SPTBN1: variants seen among roughly 807,000 people sequenced by gnomAD.
The protein encoded by SPTBN1 is spectrin beta chain, non-erythrocytic 1.
In SPTBN1, 32 loss-of-function variants were observed where a neutral mutation model predicts 266.4. The ratio of observed to expected loss-of-function variants is 0.12; its 90% CI spans 0.09 to 0.16. The LOEUF (loss-of-function observed/expected upper bound fraction) is 0.16. Among genes scored for constraint, SPTBN1 ranks in the 10% least tolerant of loss-of-function variants. SPTBN1 has a pLI of 1.00. For missense variants in SPTBN1, 2,296 were observed against 3,067.1 expected (o/e 0.75, Z 5.94); for synonymous variants, 1,336 against 1,162.2 (o/e 1.15, Z -3.04).
intron 2 of SPTBN1, among the ~76,000 whole-genome samples, chr2:54,536,754 G>A (rs752973995): frequency 2.0e-5 from 3 of 152,260 alleles, no homozygotes; most frequent in Non-Finnish European, 4.4e-5. Flanking sequence ...AGGAGAGGCC[G>A]GGAGCTGTGG....
At chr2:54,579,053 A>G (rs1654899165) in intron 2 of SPTBN1, among the ~76,000 whole-genome samples, 1 of 152,046 alleles carries the variant, frequency 6.6e-6, no homozygotes, top group Admixed American at 6.5e-5. Flanking sequence ...TGCAAAAGTA[A>G]TTGTGGCTTT....
intron 1 of SPTBN1, among the ~76,000 whole-genome samples, chr2:54,475,896 T>C (rs771089200): frequency 6.6e-6 from 1 of 152,218 alleles, no homozygotes; most frequent in Non-Finnish European, 1.5e-5. Context: ...TACCAGAGTG[T>C]TTAGTTTTAA....
chr2:54,495,723 A>G (rs528459222), intron 1 of SPTBN1, among the ~76,000 whole-genome samples: 1 of 130,880 alleles, frequency 7.6e-6, no homozygotes, highest in South Asian at 2.5e-4. Flanking sequence ...TTATGTAGAC[A>G]TAAAATATCA....
Position 54,643,696 on chromosome 2 carries a change from T to C in SPTBN1, c.4005+567T>C, listed in dbSNP as rs572517100. Reference sequence around the variant, plus strand: ...TTCAGATTCTTCACGGTTAAAATAATGTGTTGGCAGGGCACGGTGGCTCAT... The same window carrying C: ...TTCAGATTCTTCACGGTTAAAATAACGTGTTGGCAGGGCACGGTGGCTCAT... On this transcript the variant is annotated intron_variant, in intron 19 of 35. Coordinates refer to ENST00000356805, the MANE Select transcript of SPTBN1 (RefSeq NM_003128.3). 1.1e-3 allele frequency among the ~76,000 whole-genome samples: 172 copies of C among 152,252 alleles called. 2 individuals are homozygous for C. The highest frequency in any genetic ancestry group is 3.9e-3 in the African/African-American group (162 of 41,528).
Position 54,643,128 on chromosome 2 carries a change from A to C in SPTBN1, c.4004A>C (p.Lys1335Thr), listed in dbSNP as rs1305190637. ...AAAGAATGGCTTGACAAAATCGAGAAGGTGAGTTAAAACATTTGATGTGGC... is the reference window on the plus strand; with the variant it reads ...AAAGAATGGCTTGACAAAATCGAGACGGTGAGTTAAAACATTTGATGTGGC... ...SNKEWLDKIE[K>T]EGMQLISEKP... The change falls in exon 19 of 36, where the codon AAG becomes ACG. Residue 1335 changes from lysine (K) to threonine (T), a missense_variant and splice_region_variant. Physicochemically the swap from Lys to Thr is moderately conservative, Grantham distance 78. Transcript: ENST00000356805. The C allele has an allele frequency of 6.2e-7, 1 of 1,614,022 alleles. No homozygotes were observed. Among genetic ancestry groups the C allele is most frequent in the Non-Finnish European group, 8.5e-7 (1 of 1,180,004 alleles).
At chr2:54,615,380 C>T (rs1677531337) in intron 4 of SPTBN1, among the ~76,000 whole-genome samples, 1 of 152,168 alleles carries the variant, frequency 6.6e-6, no homozygotes, top group Non-Finnish European at 1.5e-5. Context: ...ACTCCTGACT[C>T]CATTCCACAT....
chr2:54,508,479 G>A (rs948142755), intron 1 of SPTBN1, among the ~76,000 whole-genome samples: 1 of 152,202 alleles, frequency 6.6e-6, no homozygotes, highest in South Asian at 2.1e-4. Context: ...CTTGAGGATA[G>A]ATTTTTGCGA....
chr2:54,643,804 T>C (rs1679737779), intron 19 of SPTBN1, among the ~76,000 whole-genome samples: 1 of 152,040 alleles, frequency 6.6e-6, no homozygotes, highest in South Asian at 2.1e-4. Context: ...GCCAACATGG[T>C]GAAACCCCAT....
chr2:54,464,049 C>T (rs559538016), intron 1 of SPTBN1, among the ~76,000 whole-genome samples: 1 of 152,152 alleles, frequency 6.6e-6, no homozygotes, highest in Non-Finnish European at 1.5e-5. Flanking sequence ...ATGCTCTGGG[C>T]TGCTGTGAGA....
Position 54,621,497 on chromosome 2 carries a change from A to G in SPTBN1, c.861A>G (p.Gly287=). 2 of 1,614,052 alleles carry G rather than the reference A, an allele frequency of 1.2e-6. No homozygotes were observed. The highest frequency in any genetic ancestry group is 1.7e-6 in the Non-Finnish European group (2 of 1,179,930). The change falls in exon 8 of 36, where the codon GGA becomes GGG. Residue 287 remains glycine (G), a synonymous_variant. Transcript: ENST00000356805. Reference sequence around the variant, plus strand: ...AGATGAAGGCCTTAGCTGTTGAAGGAAAACGAATTGGAAAGGTGAGCTGGT... The same window carrying G: ...AGATGAAGGCCTTAGCTGTTGAAGGGAAACGAATTGGAAAGGTGAGCTGGT... The part of the protein sequence containing the change: ...FSKMKALAVE[G]KRIGKVLDNA...
intron 17 of SPTBN1, among the ~76,000 whole-genome samples, chr2:54,637,439 C>T (rs553168622): frequency 1.3e-5 from 2 of 152,052 alleles, no homozygotes; most frequent in African/African-American, 4.8e-5. Flanking sequence ...TTTCTTAACA[C>T]CAGATTAGGA....
At position 54,628,028 on chromosome 2, in the gene SPTBN1, G is replaced by A. The variant is rs1157428398; in HGVS notation, c.1645-69G>A. 39 of 1,524,044 alleles carry A rather than the reference G, an allele frequency of 2.6e-5. No homozygotes were observed. The highest frequency in any genetic ancestry group is 3.2e-5 in the Non-Finnish European group (36 of 1,130,946). The allele number at this position is 1,524,044 out of a possible 1,614,324, so 94.4% of individuals were successfully genotyped here. Reference sequence around the variant, plus strand: ...CTTCATTGCTGGCTCTCTGCTTGTCGAAAGATGATGTGATGCTGAAGTCAA... The same window carrying A: ...CTTCATTGCTGGCTCTCTGCTTGTCAAAAGATGATGTGATGCTGAAGTCAA... On this transcript the variant is annotated intron_variant, in intron 12 of 35. Coordinates refer to ENST00000356805, the MANE Select transcript of SPTBN1 (RefSeq NM_003128.3). The surrounding 1 kb of genome is among the most constrained non-coding windows in gnomAD (Gnocchi z 4.3).
chr2:54,642,536 T>TTTG (rs1558460712), intron 18 of SPTBN1, among the ~76,000 whole-genome samples: 1 of 151,544 alleles, frequency 6.6e-6, no homozygotes, highest in African/African-American at 2.4e-5. Flanking sequence ...GTAGTTTTTT[T>TTTG]TTTTTTTTTT....
In SPTBN1 at chr2:54,558,850, C is replaced by A; in HGVS notation, c.148+32284C>A. 3 of 1,614,010 alleles carry A rather than the reference C, an allele frequency of 1.9e-6. No homozygotes were observed. Among genetic ancestry groups the A allele is most frequent in the Non-Finnish European group, 2.5e-6 (3 of 1,179,916 alleles). On this transcript the variant is annotated intron_variant, in intron 2 of 35. Coordinates refer to ENST00000356805, the MANE Select transcript of SPTBN1 (RefSeq NM_003128.3). The surrounding 1 kb of genome is among the most constrained non-coding windows in gnomAD (Gnocchi z 4.6). ...CGTACACGGGGCAGGTGCCTTACAACTACAACCAGCTGGAAGGCAGATTCA... is the reference window on the plus strand; with the variant it reads ...CGTACACGGGGCAGGTGCCTTACAAATACAACCAGCTGGAAGGCAGATTCA...
rs1209132160 is a variant in SPTBN1 at position 54,576,074 on chromosome 2, A to ATTTTTTTTTTTTTTTTTTTTT, written c.149-23018_149-23017insTTTTTTTTTTTTTTTTTTTTT. Among the ~76,000 whole-genome samples, 322 of 93,822 alleles carry ATTTTTTTTTTTTTTTTTTTTT rather than the reference A, an allele frequency of 3.4e-3. 66 individuals carry two copies. The highest frequency in any genetic ancestry group is 7.1e-3 in the Middle Eastern group (1 of 140). 61.6% of individuals were successfully genotyped at this position (93,822 alleles called of 152,430 possible). On this transcript the variant is annotated intron_variant, in intron 2 of 35. Coordinates refer to ENST00000356805, the MANE Select transcript of SPTBN1 (RefSeq NM_003128.3). ...ATCCAGCTTTTTTTTTTTTTTTTTG[A>ATTTTTTTTTTTTTTTTTTTTT]GAGACAGTCTGGCTGTGTCTCCCAG... is the stretch of plus-strand genomic sequence containing the variant.
In SPTBN1 at chr2:54,546,996, A is replaced by G. The variant is rs1326850088; in HGVS notation, c.148+20430A>G. Among the ~76,000 whole-genome samples the G allele has an allele frequency of 2.0e-5, 3 of 151,162 alleles. No individual in the cohort carries two copies. In the East Asian group the frequency reaches 5.8e-4, roughly 29 times the overall value. On this transcript the variant is annotated intron_variant, in intron 2 of 35. Coordinates refer to ENST00000356805, the MANE Select transcript of SPTBN1 (RefSeq NM_003128.3). ...AAAACCACATAACATAAGGTTTACCATGTTAACCATTTTTAAATGTAACTT... is the reference window on the plus strand; with the variant it reads ...AAAACCACATAACATAAGGTTTACCGTGTTAACCATTTTTAAATGTAACTT...
At position 54,619,350 on chromosome 2, in the gene SPTBN1, CT is replaced by C. The variant is rs568464672; in HGVS notation, c.763+1158del. On this transcript the variant is annotated intron_variant, in intron 7 of 35. Transcript: ENST00000356805. Reference sequence around the variant, plus strand: ...TTCGATAAATCTTCATGCTTAACCCCTATCTTACTATGGGAAGGAATTTTTC... The same window carrying C: ...TTCGATAAATCTTCATGCTTAACCCCATCTTACTATGGGAAGGAATTTTTC... Among the ~76,000 whole-genome samples, 113 of 152,348 alleles carry C rather than the reference CT, an allele frequency of 7.4e-4. 1 individual carries two copies. Among genetic ancestry groups the C allele is most frequent in the African/African-American group, 2.4e-3 (101 of 41,570 alleles).
At chr2:54,488,444 C>CTTTTTAT (rs1375330146) in intron 1 of SPTBN1, among the ~76,000 whole-genome samples, 2 of 152,120 alleles carry the variant, frequency 1.3e-5, no homozygotes, top group Non-Finnish European at 2.9e-5. Flanking sequence ...AAATCCTCTT[C>CTTTTTAT]TTTTTATTTT....
intron 1 of SPTBN1, among the ~76,000 whole-genome samples, chr2:54,456,828 G>T (rs1481593270): frequency 2.0e-5 from 3 of 151,396 alleles, no homozygotes; most frequent in Non-Finnish European, 3.0e-5. Flanking sequence ...CCCCAGCCCC[G>T]GCGCGGCGCG....
Sources: gnomAD v4.1 joint callset for allele counts (sites outside exome capture counted in the v4.1 genomes callset) on GRCh38, gnomAD v4.1.1 for gene constraint, Gnocchi (gnomAD v3.1) non-coding constraint, MANE v1.5 for transcripts, NCBI Gene and HGNC (gene_info 2026-07-23, HGNC 2026-07-21) for gene names.